Variants in DPRX observed in about 807,000 individuals in gnomAD.
DPRX encodes the protein divergent paired-related homeobox.
DPRX carries 11 observed loss-of-function variants against 8.4 expected under a neutral mutation model. The observed-to-expected ratio is 1.31, with a 90% confidence interval of 0.82 to 2.17. DPRX has a LOEUF of 2.17. Among genes scored for constraint, DPRX ranks in the 30% most tolerant of loss-of-function variants. The pLI, the probability that DPRX is intolerant of heterozygous loss-of-function variation, is 0.00. For synonymous variants in DPRX, 72 were observed against 87.0 expected (o/e 0.83, Z 0.96); for missense variants, 211 against 236.7 (o/e 0.89, Z 0.71).
chr19:53,617,296 C>T, the DPRX span: 851 of 667,768 alleles, frequency 1.3e-3, 1 homozygote, highest in Middle Eastern at 4.5e-3. Flanking sequence ...CAGTGGCTCA[C>T]GCCTGTAATC....
chr19:53,621,371 G>T, the DPRX span, among the ~76,000 whole-genome samples: 1 of 151,896 alleles, frequency 6.6e-6, no homozygotes, highest in Non-Finnish European at 1.5e-5. Context: ...GGCCTCAAAT[G>T]ATCCTCCCAC....
At chr19:53,608,970 AAAAAGG>A in the DPRX span, among the ~76,000 whole-genome samples, 9 of 121,190 alleles carry the variant, frequency 7.4e-5, no homozygotes, top group African/African-American at 1.0e-4. Flanking sequence ...AAAAAAAAAA[AAAAAGG>A]AAAGAAAAGA....
upstream of DPRX, among the ~76,000 whole-genome samples, chr19:53,631,488 T>C (rs1430219201): frequency 6.6e-6 from 1 of 151,976 alleles, no homozygotes; most frequent in Non-Finnish European, 1.5e-5. Context: ...GTCACCTGGG[T>C]GCTTGTTAGA....
the DPRX span, among the ~76,000 whole-genome samples, chr19:53,618,952 G>C: frequency 6.6e-6 from 1 of 152,022 alleles, no homozygotes; most frequent in Admixed American, 6.6e-5. Flanking sequence ...AAAGTGCTGG[G>C]ATTACAGGTG....
upstream of DPRX, among the ~76,000 whole-genome samples, chr19:53,631,047 A>G (rs1333896679): frequency 6.6e-6 from 1 of 151,640 alleles, no homozygotes; most frequent in East Asian, 2.0e-4. Flanking sequence ...GGGTTTCGCC[A>G]TGTTGGCCAG....
chr19:53,613,872 G>A, the DPRX span, among the ~76,000 whole-genome samples: 1 of 151,592 alleles, frequency 6.6e-6, no homozygotes, highest in East Asian at 1.9e-4. Flanking sequence ...TTTTTCCTAC[G>A]TTTATTGGCC....
chr19:53,632,368 T>C (rs941180751), intron 1 of DPRX, among the ~76,000 whole-genome samples: 3 of 152,118 alleles, frequency 2.0e-5, no homozygotes, highest in African/African-American at 7.2e-5. Flanking sequence ...TGGCACGATT[T>C]CGGCTCACTG....
chr19:53,602,265 TGG>T, the DPRX span: 13 of 342,774 alleles, frequency 3.8e-5, no homozygotes, highest in African/African-American at 1.9e-4. Flanking sequence ...TATATGGGTA[TGG>T]GTGTGTGTGT....
chr19:53,605,152 T>G, the DPRX span, among the ~76,000 whole-genome samples: 1 of 152,060 alleles, frequency 6.6e-6, no homozygotes, highest in Non-Finnish European at 1.5e-5. Flanking sequence ...CTCTACAAAA[T>G]TTGAATATTA....
chr19:53,622,728 T>C, the DPRX span, among the ~76,000 whole-genome samples: 8 of 152,164 alleles, frequency 5.3e-5, no homozygotes, highest in African/African-American at 9.6e-5. Context: ...AAAACCTTAC[T>C]GTGCTTCTTG....
At chr19:53,615,324 A>T in the DPRX span, among the ~76,000 whole-genome samples, 28 of 151,554 alleles carry the variant, frequency 1.8e-4, no homozygotes, top group African/African-American at 5.3e-4. Flanking sequence ...TCTGTCACTC[A>T]GGCTGGAGTG....
At chr19:53,610,411 C>A in the DPRX span, among the ~76,000 whole-genome samples, 4 of 152,232 alleles carry the variant, frequency 2.6e-5, no homozygotes, top group African/African-American at 9.6e-5. Context: ...ATTACCTACT[C>A]CATTCATGTA....
chr19:53,627,428 T>C (rs2091075480), upstream of DPRX, among the ~76,000 whole-genome samples: 1 of 74,914 alleles, frequency 1.3e-5, no homozygotes. Context: ...GATGTTTTTC[T>C]TTCTTTCTTT....
the DPRX span, among the ~76,000 whole-genome samples, chr19:53,607,358 G>A: frequency 1.3e-5 from 2 of 152,084 alleles, no homozygotes; most frequent in African/African-American, 4.8e-5. Flanking sequence ...CAGAGGTTGA[G>A]ACCAGCCTGG....
At chr19:53,616,261 T>A in the DPRX span, among the ~76,000 whole-genome samples, 54 of 150,586 alleles carry the variant, frequency 3.6e-4, no homozygotes, top group Non-Finnish European at 2.7e-4. Flanking sequence ...TCAAAAAAAA[T>A]AAATAAATAA....
chr19:53,631,372 T>C (rs2091091991), upstream of DPRX, among the ~76,000 whole-genome samples: 1 of 152,086 alleles, frequency 6.6e-6, no homozygotes, highest in African/African-American at 2.4e-5. Context: ...ATGCCAAGCA[T>C]ATATTAGCCA....
At chr19:53,626,386 C>T in the DPRX span, among the ~76,000 whole-genome samples, 1 of 152,102 alleles carries the variant, frequency 6.6e-6, no homozygotes, top group Non-Finnish European at 1.5e-5. Flanking sequence ...ACCGTGAGAC[C>T]CCCATCTCTA....
chr19:53,620,191 T>C, the DPRX span, among the ~76,000 whole-genome samples: 1 of 152,036 alleles, frequency 6.6e-6, no homozygotes, highest in East Asian at 1.9e-4. Context: ...TGCCTCAGCC[T>C]CCCCAGTAGC....
the DPRX span, among the ~76,000 whole-genome samples, chr19:53,618,198 AT>A: frequency 6.6e-6 from 1 of 151,916 alleles, no homozygotes; most frequent in Non-Finnish European, 1.5e-5. Flanking sequence ...ACCTACAACT[AT>A]AATAGCAAAT....
Sources: gnomAD v4.1 joint callset for allele counts (sites outside exome capture counted in the v4.1 genomes callset) on GRCh38, gnomAD v4.1.1 for gene constraint, MANE v1.5 for transcripts, NCBI Gene and HGNC (gene_info 2026-07-23, HGNC 2026-07-21) for gene names.